KDM5B: variants seen among roughly 807,000 people sequenced by gnomAD.
KDM5B encodes lysine demethylase 5B, also known as lysine-specific demethylase 5B.
A neutral mutation model predicts 193.4 loss-of-function variants in KDM5B; 144 were observed. That is an observed-to-expected ratio of 0.74 (90% confidence interval 0.65 to 0.86). The LOEUF is 0.86. Ranked by LOEUF, KDM5B falls within the 40% of genes least tolerant of loss-of-function variation. The pLI is 0.00. For missense variants in KDM5B, 1,833 were observed against 1,886.9 expected (o/e 0.97, Z 0.53); for synonymous variants, 668 against 682.6 (o/e 0.98, Z 0.33).
At chr1:202,773,668 A>G (rs1292346919) in intron 3 of KDM5B, among the ~76,000 whole-genome samples, 1 of 152,170 alleles carries the variant, frequency 6.6e-6, no homozygotes, top group Non-Finnish European at 1.5e-5. Context: ...GATGCATGCC[A>G]GCATGTTTGA....
rs151152464 is a variant in KDM5B at position 202,782,784 on chromosome 1, T to A, written c.205-5690A>T. 1.4e-3 allele frequency among the ~76,000 whole-genome samples: 207 copies of A among 152,358 alleles called. 2 individuals are homozygous for A. The highest frequency in any genetic ancestry group is 4.7e-3 in the African/African-American group (195 of 41,596). On this transcript the variant is annotated intron_variant, in intron 1 of 26. Transcript: ENST00000367265. Reference sequence around the variant, plus strand: ...CTAACATAAAACAGCCTTTTCATACTAACTAGATGTAATAAGAATTTGCAG... The same window carrying A: ...CTAACATAAAACAGCCTTTTCATACAAACTAGATGTAATAAGAATTTGCAG...
chr1:202,776,816 T>C (rs1323918332), intron 2 of KDM5B, among the ~76,000 whole-genome samples: 1 of 152,160 alleles, frequency 6.6e-6, no homozygotes, highest in Non-Finnish European at 1.5e-5. Flanking sequence ...GTGCTGAGAT[T>C]ACAAGTGTGA....
rs1654899340 is a variant in KDM5B, at chr1:202,731,926, G to C, written c.3923C>G (p.Pro1308Arg). 6.2e-7 allele frequency: 1 copy of C among 1,611,994 alleles called. No individual in the cohort carries two copies. The highest frequency in any genetic ancestry group is 8.5e-7 in the Non-Finnish European group (1 of 1,178,874). Residue 1308 changes from proline to arginine, a missense_variant, in exon 24 of 27, where the codon CCT (proline) becomes CGT (arginine). By Grantham distance (103) the Pro-to-Arg change is moderately radical (BLOSUM62 -2). Transcript: ENST00000367265. ...AGGCAAAGAAAATGATGTTGTGCCA[G>C]GAGGTTGAGATACCTAATGGAGGGA... ...VSDTNKVSQPPGTTSFSLPDD... is the reference protein window; with the variant it reads ...VSDTNKVSQPRGTTSFSLPDD...
intron 1 of KDM5B, among the ~76,000 whole-genome samples, chr1:202,787,604 T>C (rs956141072): frequency 6.6e-6 from 1 of 151,956 alleles, no homozygotes; most frequent in Non-Finnish European, 1.5e-5. Flanking sequence ...GTATGTGAAG[T>C]AGGCCGGGTG....
At position 202,748,968 on chromosome 1, in the gene KDM5B, A is replaced by G. The variant is rs1655678408; in HGVS notation, c.1993T>C (p.Leu665=). 1 of 1,612,438 alleles carries G rather than the reference A, an allele frequency of 6.2e-7. No individual in the cohort carries two copies. Among genetic ancestry groups the G allele is most frequent in the Non-Finnish European group, 8.5e-7 (1 of 1,179,484 alleles). The change falls in exon 14 of 27, where the codon TTA becomes CTA. Residue 665 remains leucine (L), a synonymous_variant. Coordinates refer to ENST00000367265, the MANE Select transcript of KDM5B (RefSeq NM_006618.5). ...ACCAATTTACGGACAGTTTCTCTTA[A>G]AGCTTTCTCATCCTCAATCATAATG... is the stretch of plus-strand genomic sequence containing the variant. ...MAIMIEDEKA[L]RETVRKLGVI... is the part of the protein sequence containing the mutation.
At chr1:202,805,450 A>T (rs1658252053) in intron 1 of KDM5B, among the ~76,000 whole-genome samples, 1 of 152,222 alleles carries the variant, frequency 6.6e-6, no homozygotes, top group Non-Finnish European at 1.5e-5. Context: ...AAACTATATT[A>T]AGTACCATTG....
chr1:202,740,107 A>AC (rs763053083), intron 20 of KDM5B, among the ~76,000 whole-genome samples: 22,544 of 124,170 alleles, frequency 0.18, 2,632 homozygotes, highest in Middle Eastern at 0.31. Flanking sequence ...CATGGGGCTG[A>AC]CCCCCCCCAC....
Position 202,724,912 on chromosome 1 carries a change from T to C in KDM5B, c.*4124A>G, listed in dbSNP as rs1428800115. ...TTAGAGGGGTGCCTTTGGACATTTA[T>C]TTTAAATAGAGAAAATAACTTTTGT... is the stretch of plus-strand genomic sequence containing the variant. On this transcript the variant is annotated 3_prime_UTR_variant, in exon 27 of 27. Coordinates refer to ENST00000367265, the MANE Select transcript of KDM5B (RefSeq NM_006618.5). 6.6e-6 allele frequency: 1 copy of C among 152,242 alleles called. No homozygotes were observed. Among genetic ancestry groups the C allele is most frequent in the Non-Finnish European group, 1.5e-5 (1 of 68,038 alleles). 9.4% of individuals were successfully genotyped at this position (152,242 alleles called of 1,614,324 possible).
chr1:202,755,978 CAA>C (rs34507234), intron 10 of KDM5B, among the ~76,000 whole-genome samples: 2,817 of 128,618 alleles, frequency 0.022, 79 homozygotes, highest in African/African-American at 0.074. Context: ...AGAAAACTAC[CAA>C]AAAAAAAAAA....
chr1:202,741,560 G>C lies in KDM5B; in HGVS notation c.2752C>G (p.Arg918Gly). The change falls in exon 19 of 27, where the codon CGT becomes GGT. Residue 918 changes from arginine to glycine, a missense_variant. Around this residue, in one of 3 missense-constraint regions of KDM5B, gnomAD observed 1,379 missense variants for 1,349.6 expected, o/e 1.02. Coordinates refer to ENST00000367265, the MANE Select transcript of KDM5B (RefSeq NM_006618.5). ...GCTTGCTGCACCTCTTCTAGCCAAC[G>C]GGCTTGTTCCAAACGGATACGCATC... is the stretch of plus-strand genomic sequence containing the variant. ...AEMRIRLEQA[R>G]WLEEVQQACL... 6.2e-7 allele frequency: 1 copy of C among 1,614,176 alleles called. No individual in the cohort carries two copies. Among genetic ancestry groups the C allele is most frequent in the Non-Finnish European group, 8.5e-7 (1 of 1,180,016 alleles).
At position 202,733,385 on chromosome 1, in the gene KDM5B, G is replaced by T; in HGVS notation, c.3909+16C>A. 1 of 1,605,568 alleles carries T rather than the reference G, an allele frequency of 6.2e-7. No individual in the cohort carries two copies. Among genetic ancestry groups the T allele is most frequent in the Non-Finnish European group, 8.5e-7 (1 of 1,173,962 alleles). On this transcript the variant is annotated intron_variant, in intron 23 of 26. Coordinates refer to ENST00000367265, the MANE Select transcript of KDM5B (RefSeq NM_006618.5). ...TTGCAAATTCCAATAACCCAACAAG[G>T]AAAGTCCAGATTCACCTTGTTTGTG...
Position 202,750,384 on chromosome 1 carries a change from T to C in KDM5B, c.1821+275A>G, listed in dbSNP as rs113215695. Among the ~76,000 whole-genome samples, 1,488 of 152,218 alleles carry C rather than the reference T, an allele frequency of 9.8e-3. 29 individuals carry two copies. Among genetic ancestry groups the C allele is most frequent in the African/African-American group, 0.033 (1,379 of 41,508 alleles). On this transcript the variant is annotated intron_variant, in intron 13 of 26. Coordinates refer to ENST00000367265, the MANE Select transcript of KDM5B (RefSeq NM_006618.5). The stretch of plus-strand genomic sequence containing the variant: ...ACCTCCACCTCCTGGGTTCAAGTGA[T>C]TCTCCTGCCTCAGCCTCCCAAGTAA...
chr1:202,745,755 A>T, intron 16 of KDM5B, 103 bp downstream of exon 16: 3 of 1,330,104 alleles, frequency 2.3e-6, no homozygotes, highest in South Asian at 1.2e-5. Flanking sequence ...CTAACCAAGG[A>T]TGAGGTCAGG....
Position 202,746,241 on chromosome 1 carries a change from A to C in KDM5B, c.2099T>G (p.Phe700Cys). ...RQCVKCKTTC[F>C]MSAISCSCKP... is the part of the protein sequence containing the mutation. Reference sequence around the variant, plus strand: ...ACAAGAACAGGAGATGGCAGACATGAAGCATGTAGTTTTGCATTTTACACA... The same window carrying C: ...ACAAGAACAGGAGATGGCAGACATGCAGCATGTAGTTTTGCATTTTACACA... Residue 700 changes from phenylalanine to cysteine, a missense_variant, in exon 15 of 27, where the codon TTC becomes TGC. Around this residue, in one of 3 missense-constraint regions of KDM5B, gnomAD observed 1,379 missense variants for 1,349.6 expected, o/e 1.02. Coordinates refer to ENST00000367265, the MANE Select transcript of KDM5B (RefSeq NM_006618.5). 6.2e-7 allele frequency: 1 copy of C among 1,613,598 alleles called. No homozygotes were observed. Among genetic ancestry groups the C allele is most frequent in the Non-Finnish European group, 8.5e-7 (1 of 1,179,594 alleles).
intron 7 of KDM5B, among the ~76,000 whole-genome samples, chr1:202,762,348 C>T (rs919558770): frequency 5.3e-5 from 8 of 152,164 alleles, no homozygotes; most frequent in South Asian, 2.1e-4. Context: ...GATTTTTGAG[C>T]GAGCCTTCAG....
chr1:202,780,511 A>T (rs555850661), intron 1 of KDM5B, among the ~76,000 whole-genome samples: 2 of 152,290 alleles, frequency 1.3e-5, no homozygotes, highest in African/African-American at 4.8e-5. Context: ...ATTTTCTGAT[A>T]GGAATTTACA....
intron 24 of KDM5B, among the ~76,000 whole-genome samples, chr1:202,731,281 T>C (rs1174562555): frequency 1.3e-5 from 2 of 152,256 alleles, no homozygotes; most frequent in South Asian, 2.1e-4. Flanking sequence ...TTCTGATTAC[T>C]AGTATTAATT....
At chr1:202,771,860 G>A (rs549469981) in intron 4 of KDM5B, among the ~76,000 whole-genome samples, 13 of 152,220 alleles carry the variant, frequency 8.5e-5, no homozygotes, top group African/African-American at 2.6e-4. Context: ...GATTACAGGC[G>A]TGAGCCATCG....
intron 1 of KDM5B, among the ~76,000 whole-genome samples, chr1:202,794,913 G>A (rs1020859783): frequency 6.6e-6 from 1 of 152,108 alleles, no homozygotes; most frequent in African/African-American, 2.4e-5. Flanking sequence ...ACAATACACT[G>A]TAATAAAAGT....
Sources: allele counts gnomAD v4.1 joint callset (sites outside exome capture counted in the v4.1 genomes callset), GRCh38; gene constraint gnomAD v4.1.1; regional missense constraint gnomAD v4.1.1; transcripts MANE v1.5; gene names NCBI Gene and HGNC (gene_info 2026-07-23, HGNC 2026-07-21).